LNX1: variants seen among roughly 807,000 people sequenced by gnomAD.
LNX1 encodes the protein ligand of numb-protein X 1.
LNX1 carries 54 observed loss-of-function variants against 68.4 expected under a neutral mutation model. The observed-to-expected ratio is 0.79, with a 90% CI of 0.63 to 0.99. The LOEUF is 0.99. Ranked by LOEUF, LNX1 falls within the 50% of genes least tolerant of loss-of-function variation. The pLI, the probability that LNX1 is intolerant of heterozygous loss-of-function variation, is 0.00. For synonymous variants in LNX1, 336 were observed against 350.0 expected (o/e 0.96, Z 0.45); for missense variants, 906 against 926.4 (o/e 0.98, Z 0.29).
intron 1 of LNX1, among the ~76,000 whole-genome samples, chr4:53,645,125 C>T (rs1734837784): frequency 2.6e-5 from 4 of 152,126 alleles, no homozygotes; most frequent in African/African-American, 9.7e-5. Flanking sequence ...TCTATTTTTG[C>T]CTGTGTTTTT....
At chr4:53,492,152 G>T (rs1030730710) in intron 6 of LNX1, among the ~76,000 whole-genome samples, 1 of 152,170 alleles carries the variant, frequency 6.6e-6, no homozygotes, top group African/African-American at 2.4e-5. Context: ...GAAGAGTATT[G>T]TAGGATAAAG....
rs765114799 is a variant in LNX1 at position 53,496,388 on chromosome 4, C to T, written c.985G>A (p.Gly329Arg). ...TGAGGGACATTGCTGATGTCCATCC[C>T]GTTGACCTGGGGGCAGGTGGAACAA... ...LPGDIILKVNGMDISNVPHNY... is the reference protein window; with the variant it reads ...LPGDIILKVNRMDISNVPHNY... Residue 329 changes from glycine (G) to arginine (R), a missense_variant, in exon 6 of 11, where the codon GGG becomes AGG. Transcript: ENST00000263925. 30 of 1,602,284 alleles carry T rather than the reference C, an allele frequency of 1.9e-5. No homozygotes were observed. In the East Asian group the frequency reaches 2.7e-4, roughly 14 times the overall value.
At chr4:53,537,323 A>C (rs752398505) in intron 2 of LNX1, among the ~76,000 whole-genome samples, 3 of 152,214 alleles carry the variant, frequency 2.0e-5, no homozygotes, top group Non-Finnish European at 4.4e-5. Flanking sequence ...TGTGTGCAAT[A>C]GCCTTGGGTC....
At chr4:53,468,404 A>G (rs1239173259) in intron 9 of LNX1, among the ~76,000 whole-genome samples, 3 of 152,256 alleles carry the variant, frequency 2.0e-5, no homozygotes, top group Non-Finnish European at 4.4e-5. Context: ...AATTGTAAAG[A>G]CCATCGAGGC....
At chr4:53,625,832 G>A (rs1033365322) in intron 1 of LNX1, among the ~76,000 whole-genome samples, 1 of 130,852 alleles carries the variant, frequency 7.6e-6, no homozygotes, top group African/African-American at 2.8e-5. Flanking sequence ...ATATGACCCA[G>A]CAATTCCACC....
At chr4:53,489,575 A>G (rs1367995236) in intron 6 of LNX1, among the ~76,000 whole-genome samples, 1 of 152,048 alleles carries the variant, frequency 6.6e-6, no homozygotes, top group Non-Finnish European at 1.5e-5. Flanking sequence ...AAATATATAT[A>G]TTTGGGGGGA....
chr4:53,520,684 G>A (rs1241198829), intron 2 of LNX1, among the ~76,000 whole-genome samples: 1 of 152,158 alleles, frequency 6.6e-6, no homozygotes, highest in African/African-American at 2.4e-5. Flanking sequence ...ACTTTTGGCT[G>A]GGCATGGAGG....
At chr4:53,469,406 C>T (rs1257206223) in intron 9 of LNX1, among the ~76,000 whole-genome samples, 1 of 152,126 alleles carries the variant, frequency 6.6e-6, no homozygotes, top group African/African-American at 2.4e-5. Context: ...CTAAAATTGA[C>T]ACCCTAACAT....
intron 2 of LNX1, among the ~76,000 whole-genome samples, chr4:53,562,482 A>G (rs1730356827): frequency 6.6e-6 from 1 of 152,224 alleles, no homozygotes; most frequent in Admixed American, 6.5e-5. Flanking sequence ...ACAATCAATG[A>G]TCTAGCCAGT....
rs534402080 is a variant in LNX1 at position 53,496,419 on chromosome 4, C to T, written c.979-25G>A. 73 of 1,542,724 alleles carry T rather than the reference C, an allele frequency of 4.7e-5. 3 individuals carry two copies. The South Asian group carries it at 5.7e-4, about 12-fold the overall frequency. ...CCTGGGGGCAGGTGGAACAATCGTG[C>T]GGTCAGCTCCACCTGCCACAACCCT... On this transcript the variant is annotated intron_variant, in intron 5 of 10. Transcript: ENST00000263925.
chr4:53,559,111 A>G (rs1202685701), intron 2 of LNX1, among the ~76,000 whole-genome samples: 1 of 152,236 alleles, frequency 6.6e-6, no homozygotes, highest in Non-Finnish European at 1.5e-5. Context: ...CCAAGCCATG[A>G]TAGCAAACTC....
intron 2 of LNX1, among the ~76,000 whole-genome samples, chr4:53,561,912 A>G (rs1730318248): frequency 1.3e-5 from 2 of 150,700 alleles, no homozygotes; most frequent in South Asian, 4.1e-4. Flanking sequence ...AACGTTCTGT[A>G]CGTGTATCCC....
upstream of LNX1, among the ~76,000 whole-genome samples, chr4:53,593,349 G>C (rs1322868279): frequency 2.6e-5 from 4 of 152,206 alleles, no homozygotes; most frequent in Non-Finnish European, 5.9e-5. Context: ...GGGATCACAG[G>C]CTTCGGTTCA....
chr4:53,612,310 C>T (rs1470393528), intron 2 of LNX1, among the ~76,000 whole-genome samples: 5 of 152,174 alleles, frequency 3.3e-5, no homozygotes, highest in African/African-American at 9.7e-5. Flanking sequence ...GCAGGAGCAG[C>T]ATGGCACTAT....
intron 1 of LNX1, among the ~76,000 whole-genome samples, chr4:53,589,746 G>A (rs1004926254): frequency 6.6e-6 from 1 of 152,140 alleles, no homozygotes; most frequent in Non-Finnish European, 1.5e-5. Context: ...GTTACCACAG[G>A]AACTCTGGAC....
intron 2 of LNX1, among the ~76,000 whole-genome samples, chr4:53,536,365 ACAGT>A (rs1327886255): frequency 6.6e-6 from 1 of 152,174 alleles, no homozygotes; most frequent in Non-Finnish European, 1.5e-5. Context: ...AACGCCACAC[ACAGT>A]CAAAGTCGTT....
chr4:53,491,500 T>C (rs1724672989), intron 6 of LNX1, among the ~76,000 whole-genome samples: 1 of 152,208 alleles, frequency 6.6e-6, no homozygotes, highest in Non-Finnish European at 1.5e-5. Context: ...TAGTTCAGCA[T>C]GGTACCACAC....
chr4:53,573,504 T>G, intron 2 of LNX1, 119 bp downstream of exon 2: 1 of 667,448 alleles, frequency 1.5e-6, no homozygotes, highest in South Asian at 1.9e-5. Flanking sequence ...CACCTAGCTG[T>G]TTTTTTATTT....
At chr4:53,471,671 G>T (rs536797485) in intron 9 of LNX1, among the ~76,000 whole-genome samples, 1 of 152,204 alleles carries the variant, frequency 6.6e-6, no homozygotes, top group East Asian at 1.9e-4. Flanking sequence ...CAAAAAGTGG[G>T]GAAAGGATAT....
Sources: allele counts gnomAD v4.1 joint callset (sites outside exome capture counted in the v4.1 genomes callset), GRCh38; gene constraint gnomAD v4.1.1; transcripts MANE v1.5; gene names NCBI Gene and HGNC (gene_info 2026-07-23, HGNC 2026-07-21).